SCNN1G: variants seen among roughly 807,000 people sequenced by gnomAD.
SCNN1G encodes sodium channel epithelial 1 subunit gamma.
SCNN1G carries 27 observed loss-of-function variants against 64.6 expected under a neutral mutation model. The observed-to-expected ratio is 0.42, with a 90% CI of 0.31 to 0.58. The LOEUF is 0.58. Among genes scored for constraint, SCNN1G ranks in the 20% least tolerant of loss-of-function variants. The probability of loss-of-function intolerance (pLI) is 0.18; values close to 1 mark genes in which losing one functional copy is unlikely to be tolerated. For synonymous variants in SCNN1G, 330 were observed against 314.2 expected (o/e 1.05, Z -0.53); for missense variants, 743 against 823.4 (o/e 0.90, Z 1.19).
intron 6 of SCNN1G, among the ~76,000 whole-genome samples, chr16:23,198,272 C>G: frequency 6.6e-6 from 1 of 152,180 alleles, no homozygotes; most frequent in East Asian, 1.9e-4. Context: ...CTCCAATCCC[C>G]GAGTCAGCCT....
chr16:23,189,122 C>T (rs561642436), intron 2 of SCNN1G, among the ~76,000 whole-genome samples: 1 of 152,284 alleles, frequency 6.6e-6, no homozygotes, highest in East Asian at 1.9e-4. Context: ...TGAGGGCAAG[C>T]AGACAGTGGT....
chr16:23,186,058 G>T (rs561408295), intron 1 of SCNN1G, among the ~76,000 whole-genome samples, 170 bp from the exon 2 acceptor site: 2 of 152,208 alleles, frequency 1.3e-5, no homozygotes, highest in African/African-American at 4.8e-5. Flanking sequence ...CAAACGTCCC[G>T]TGGAAAAGGG....
rs1036354216 is a variant in SCNN1G, at chr16:23,184,440, A to AT, written c.-45+1634dup. Reference sequence around the variant, plus strand: ...TTCCTTCTTCTTTATTTCATTTTTTATTTTTTTGGATTGTAGTGAGGGAGG... The same window carrying AT: ...TTCCTTCTTCTTTATTTCATTTTTTATTTTTTTTGGATTGTAGTGAGGGAGG... On this transcript the variant is annotated intron_variant, in intron 1 of 12. Transcript: ENST00000300061. 2.6e-5 allele frequency among the ~76,000 whole-genome samples: 4 copies of AT among 151,644 alleles called. No individual in the cohort carries two copies. The South Asian group carries it at 8.3e-4, about 32-fold the overall frequency.
intron 6 of SCNN1G, among the ~76,000 whole-genome samples, chr16:23,199,658 C>CT (rs1959853705): frequency 9.3e-6 from 1 of 107,072 alleles, no homozygotes; most frequent in African/African-American, 3.4e-5. Flanking sequence ...CTTTTCTTTT[C>CT]TTTTCTTTTT....
In SCNN1G at chr16:23,189,485, C is replaced by T; in HGVS notation, c.432C>T (p.Asn144=). 4.3e-6 allele frequency: 7 copies of T among 1,614,226 alleles called. No individual in the cohort carries two copies. The highest frequency in any genetic ancestry group is 5.9e-6 in the Non-Finnish European group (7 of 1,180,038). ...SRKRREAESW[N]SVSEGKQPRF... ...AGCGCCGAGAGGCGGAGTCCTGGAA[C>T]TCCGTCTCAGAGGGAAAGCAGCCTA... The change falls in exon 3 of 13, where the codon AAC becomes AAT. Residue 144 remains asparagine (N), a synonymous_variant. Transcript: ENST00000300061.
At chr16:23,188,247 G>T (rs766106406) in intron 2 of SCNN1G, among the ~76,000 whole-genome samples, 1 of 152,184 alleles carries the variant, frequency 6.6e-6, no homozygotes, top group African/African-American at 2.4e-5. Flanking sequence ...AGTGGCTCAT[G>T]CCTGAAATCT....
At chr16:23,204,314 TATATATATATATATATATATAGAG>T (rs1423605390) in intron 6 of SCNN1G, among the ~76,000 whole-genome samples, 4 of 81,740 alleles carry the variant, frequency 4.9e-5, no homozygotes, top group African/African-American at 1.8e-4. Context: ...TATATATATA[TATATATATATATATATATATAGAG>T]AGAGAGAGAG....
At chr16:23,214,682 G>T (rs377704692) in intron 11 of SCNN1G, 30 bp from the exon 12 acceptor site, 1 of 1,569,286 alleles carries the variant, frequency 6.4e-7, no homozygotes, top group South Asian at 1.1e-5. Flanking sequence ...GGATGCCAAG[G>T]CTCTTGATTC....
chr16:23,206,231 G>C (rs78367348), intron 6 of SCNN1G, among the ~76,000 whole-genome samples: 8 of 152,276 alleles, frequency 5.3e-5, no homozygotes, highest in Admixed American at 5.2e-4. Flanking sequence ...TGAGAACAAT[G>C]GTCTGATAGC....
chr16:23,213,583 T>A (rs978817303), intron 11 of SCNN1G, among the ~76,000 whole-genome samples: 1 of 152,168 alleles, frequency 6.6e-6, no homozygotes, highest in Non-Finnish European at 1.5e-5. Context: ...ACTCATTCAT[T>A]TCCTCAAAGC....
intron 2 of SCNN1G, among the ~76,000 whole-genome samples, chr16:23,187,714 G>A (rs1022995043): frequency 5.9e-5 from 9 of 152,050 alleles, no homozygotes; most frequent in African/African-American, 2.2e-4. Flanking sequence ...TGAGCTCATC[G>A]GGCCCTGGGT....
intron 5 of SCNN1G, 84 bp from the exon 6 acceptor site, chr16:23,197,180 C>T (rs534227299): frequency 1.8e-5 from 20 of 1,136,202 alleles, no homozygotes; most frequent in Middle Eastern, 2.8e-4. Context: ...GGGTTTGAAG[C>T]TCCTGAAGCA....
chr16:23,203,114 C>T (rs971693233), intron 6 of SCNN1G, among the ~76,000 whole-genome samples: 1 of 152,172 alleles, frequency 6.6e-6, no homozygotes, highest in African/African-American at 2.4e-5. Context: ...GAGTTGGCAT[C>T]AGATAAATCA....
chr16:23,212,989 G>A, intron 10 of SCNN1G, 95 bp downstream of exon 10: 1 of 1,532,614 alleles, frequency 6.5e-7, no homozygotes, highest in Non-Finnish European at 9.0e-7. Context: ...CATGGTCCAG[G>A]GGGAAAAGAA....
At chr16:23,183,262 T>TC (rs1292936335) in intron 1 of SCNN1G, among the ~76,000 whole-genome samples, 1 of 152,116 alleles carries the variant, frequency 6.6e-6, no homozygotes, top group Non-Finnish European at 1.5e-5. Context: ...CAGCCGGCGC[T>TC]CCCCCGGGGC....
At chr16:23,188,311 C>A (rs935517008) in intron 2 of SCNN1G, among the ~76,000 whole-genome samples, 1 of 152,160 alleles carries the variant, frequency 6.6e-6, no homozygotes, top group Non-Finnish European at 1.5e-5. Context: ...GAATTCGAGA[C>A]CAGCCTGGGC....
chr16:23,210,749 G>A (rs551968427), intron 7 of SCNN1G, among the ~76,000 whole-genome samples: 2 of 152,200 alleles, frequency 1.3e-5, no homozygotes, highest in African/African-American at 4.8e-5. Flanking sequence ...GAGGACTTTT[G>A]GGCCAGGCAT....
rs1253720357 is a variant in SCNN1G at position 23,192,448 on chromosome 16, G to A, written c.715G>A (p.Ala239Thr). The A allele has an allele frequency of 2.5e-6, 4 of 1,613,802 alleles. No homozygotes were observed. The East Asian group carries it at 6.7e-5, about 27-fold the overall frequency. Residue 239 changes from alanine to threonine, a missense_variant, in exon 4 of 13, where the codon GCA becomes ACA. By Grantham distance (58) the Ala-to-Thr change is moderately conservative (BLOSUM62 0). Coordinates refer to ENST00000300061, the MANE Select transcript of SCNN1G (RefSeq NM_001039.4). ...WYKLHYMNIM[A>T]QVPLEKKINM... is the part of the protein sequence containing the mutation. ...TAAGCTACACTACATGAACATCATG[G>A]CACAGGTGCCTCTGGAGAAGAAAAT... is the stretch of plus-strand genomic sequence containing the variant.
rs372381156 is a variant in SCNN1G at position 23,186,325 on chromosome 16, G to A, written c.54G>A (p.Thr18=). The change falls in exon 2 of 13, where the codon ACG becomes ACA. Residue 18 remains threonine (T), a synonymous_variant. Transcript: ENST00000300061. ...AAATCAAGAAGAATCTGCCCGTGACGGGCCCTCAGGCGCCGACCATTAAAG... is the reference window on the plus strand; with the variant it reads ...AAATCAAGAAGAATCTGCCCGTGACAGGCCCTCAGGCGCCGACCATTAAAG... The part of the protein sequence containing the change: ...KAKIKKNLPV[T]GPQAPTIKEL... The A allele has an allele frequency of 1.9e-6, 3 of 1,614,082 alleles. No homozygotes were observed. Among genetic ancestry groups the A allele is most frequent in the African/African-American group, 2.7e-5 (2 of 74,942 alleles).
Sources: gnomAD v4.1 joint callset for allele counts (sites outside exome capture counted in the v4.1 genomes callset) on GRCh38, gnomAD v4.1.1 for gene constraint, MANE v1.5 for transcripts, NCBI Gene and HGNC (gene_info 2026-07-23, HGNC 2026-07-21) for gene names.